TEK: variants seen among roughly 807,000 people sequenced by gnomAD.
TEK encodes TEK receptor tyrosine kinase, also known as angiopoietin-1 receptor.
TEK carries 43 observed loss-of-function variants against 131.8 expected under a neutral mutation model. The ratio of observed to expected loss-of-function variants is 0.33; its 90% CI spans 0.26 to 0.42. The LOEUF (loss-of-function observed/expected upper bound fraction) is 0.42, where lower values mean the gene tolerates loss of function less well. Ranked by LOEUF, TEK falls within the 10% of genes least tolerant of loss-of-function variation. The pLI is 1.00. For missense variants in TEK, 1,162 were observed against 1,384.4 expected, an observed-to-expected ratio of 0.84 and a Z score of 2.55; for synonymous variants, 580 against 491.6, an observed-to-expected ratio of 1.18 and a Z score of -2.38.
chr9:27,195,344 A>G (rs1450544058), intron 11 of TEK, among the ~76,000 whole-genome samples: 1 of 152,086 alleles, frequency 6.6e-6, no homozygotes, highest in Non-Finnish European at 1.5e-5. Context: ...GTGTTTCTCA[A>G]CCTTTAAAAA....
In TEK at chr9:27,217,717, C is replaced by G. The variant is rs368457184; in HGVS notation, c.3021C>G (p.Ile1007Met). 28 of 1,613,726 alleles carry G rather than the reference C, an allele frequency of 1.7e-5. No homozygotes were observed. The highest frequency in any genetic ancestry group is 3.3e-4 in the Middle Eastern group (2 of 6,084). The change falls in exon 19 of 23, where the codon ATC (isoleucine) becomes ATG (methionine). Residue 1007 changes from isoleucine to methionine, a missense_variant. This residue lies in a region of TEK where 107 missense variants were observed against 173.9 expected (regional missense o/e 0.62). Transcript: ENST00000380036. ...GGCTCCCAGTGCGCTGGATGGCCATCGAGTCACTGAATTACAGTGTGTACA... is the reference window on the plus strand; with the variant it reads ...GGCTCCCAGTGCGCTGGATGGCCATGGAGTCACTGAATTACAGTGTGTACA... Reference protein sequence around the residue: ...MGRLPVRWMAIESLNYSVYTT... With the variant: ...MGRLPVRWMAMESLNYSVYTT...
At chr9:27,131,647 A>G in intron 1 of TEK, among the ~76,000 whole-genome samples, 1 of 143,454 alleles carries the variant, frequency 7.0e-6, no homozygotes, top group South Asian at 2.2e-4. Context: ...CCGTCTCTTA[A>G]AAAAAAAAAA....
At chr9:27,183,720 GTGT>G in intron 8 of TEK, 110 bp downstream of exon 8, 1 of 1,441,956 alleles carries the variant, frequency 6.9e-7, no homozygotes, top group South Asian at 1.1e-5. Context: ...CTAGGCTAGT[GTGT>G]TGTTGGCTTT....
At chr9:27,204,783 AGTG>A in intron 13 of TEK, 125 bp from the exon 14 acceptor site, 1 of 1,197,258 alleles carries the variant, frequency 8.4e-7, no homozygotes, top group Non-Finnish European at 1.2e-6. Context: ...GAGGTCATAT[AGTG>A]GTTAGGTGGC....
chr9:27,167,940 A>G (rs557951009), intron 2 of TEK, among the ~76,000 whole-genome samples: 41 of 152,128 alleles, frequency 2.7e-4, no homozygotes, highest in African/African-American at 9.2e-4. Context: ...TATTGTTAGT[A>G]TCAGGACTTA....
intron 15 of TEK, among the ~76,000 whole-genome samples, chr9:27,208,228 G>C (rs1164055781): frequency 6.6e-6 from 1 of 152,160 alleles, no homozygotes; most frequent in Non-Finnish European, 1.5e-5. Context: ...AGTATGAACA[G>C]AGCACTTGAC....
Position 27,190,520 on chromosome 9 carries a change from T to G in TEK, c.1328-9T>G. The G allele has an allele frequency of 1.2e-6, 2 of 1,613,884 alleles. No homozygotes were observed. ...GAAGGACTAATCTGCCTTCTGAAAT[T>G]GTATTTAGTTCTTCCAAAGCCCCTG... is the stretch of plus-strand genomic sequence containing the variant. On this transcript the variant is annotated splice_polypyrimidine_tract_variant and intron_variant, in intron 9 of 22. Coordinates refer to ENST00000380036, the MANE Select transcript of TEK (RefSeq NM_000459.5).
intron 5 of TEK, 23 bp downstream of exon 5, chr9:27,172,770 T>C: frequency 6.2e-7 from 1 of 1,612,764 alleles, no homozygotes; most frequent in Non-Finnish European, 8.5e-7. Flanking sequence ...ACTTGATAAG[T>C]AAGCTGTGGA....
chr9:27,210,369 C>G (rs532365018), intron 16 of TEK: 1 of 163,064 alleles, frequency 6.1e-6, no homozygotes, highest in East Asian at 1.7e-4. Context: ...CTGTACAAAC[C>G]CTACAAATGA....
chr9:27,159,308 G>A (rs529837051), intron 2 of TEK, among the ~76,000 whole-genome samples: 3 of 152,238 alleles, frequency 2.0e-5, no homozygotes, highest in East Asian at 3.9e-4. Flanking sequence ...TAGACATGAG[G>A]CTCTTTGCAA....
intron 6 of TEK, among the ~76,000 whole-genome samples, chr9:27,175,832 G>A (rs909454845): frequency 6.6e-6 from 1 of 152,120 alleles, no homozygotes; most frequent in African/African-American, 2.4e-5. Flanking sequence ...TTTTGATGGG[G>A]TTGTTTGTTT....
chr9:27,121,735 T>C (rs79319971), intron 1 of TEK, among the ~76,000 whole-genome samples: 2,771 of 152,218 alleles, frequency 0.018, 95 homozygotes, highest in African/African-American at 0.064. Flanking sequence ...GCACAGGTGA[T>C]ATGTAGACTC....
chr9:27,226,028 G>A (rs1239211319), intron 21 of TEK, among the ~76,000 whole-genome samples: 1 of 152,192 alleles, frequency 6.6e-6, no homozygotes, highest in Non-Finnish European at 1.5e-5. Context: ...AAACCACAAT[G>A]AGATGCCATT....
chr9:27,186,039 C>T (rs60804047), intron 9 of TEK, among the ~76,000 whole-genome samples: 2,641 of 152,218 alleles, frequency 0.017, 70 homozygotes, highest in African/African-American at 0.061. Flanking sequence ...TTAGCATTGC[C>T]GTTGTGACTT....
chr9:27,222,912 AG>A (rs1826145942), intron 21 of TEK, among the ~76,000 whole-genome samples: 1 of 152,216 alleles, frequency 6.6e-6, no homozygotes, highest in Non-Finnish European at 1.5e-5. Context: ...CTCAAAATAA[AG>A]GGACAGAGGC....
At position 27,190,760 on chromosome 9, in the gene TEK, G is replaced by T. The variant is rs1160748058; in HGVS notation, c.1489+70G>T. 5 of 1,590,776 alleles carry T rather than the reference G, an allele frequency of 3.1e-6. No homozygotes were observed. The East Asian group carries it at 1.1e-4, about 36-fold the overall frequency. ...GGAGAATTATTTTTCTCCAAATCTA[G>T]AAATTCCCTTCTCCCTGCCTCAATC... On this transcript the variant is annotated intron_variant, in intron 10 of 22. Coordinates refer to ENST00000380036, the MANE Select transcript of TEK (RefSeq NM_000459.5).
In TEK at chr9:27,209,237, A is replaced by G. The variant is rs1360950547; in HGVS notation, c.2686+6A>G. ...AGGAGCATGTGAACATCGAGGTAAG[A>G]TGCTCTTTTCCTGTCTTTCCTGCCA... is the stretch of plus-strand genomic sequence containing the variant. On this transcript the variant is annotated splice_donor_region_variant and intron_variant, in intron 16 of 22. Transcript: ENST00000380036. 1 of 1,596,910 alleles carries G rather than the reference A, an allele frequency of 6.3e-7. No homozygotes were observed. Among genetic ancestry groups the G allele is most frequent in the Non-Finnish European group, 8.6e-7 (1 of 1,164,626 alleles).
chr9:27,225,150 A>T (rs1826263128), intron 21 of TEK, among the ~76,000 whole-genome samples: 1 of 152,254 alleles, frequency 6.6e-6, no homozygotes, highest in Non-Finnish European at 1.5e-5. Context: ...CATGGACAGG[A>T]AGAATCAATA....
At chr9:27,138,661 A>G (rs533582701) in intron 1 of TEK, among the ~76,000 whole-genome samples, 1 of 152,346 alleles carries the variant, frequency 6.6e-6, no homozygotes, top group East Asian at 1.9e-4. Flanking sequence ...ACACTTGAAT[A>G]ACACAAGTTT....
Sources: gnomAD v4.1 joint callset for allele counts (sites outside exome capture counted in the v4.1 genomes callset) on GRCh38, gnomAD v4.1.1 for gene constraint, gnomAD v4.1.1 regional missense constraint, MANE v1.5 for transcripts, NCBI Gene and HGNC (gene_info 2026-07-23, HGNC 2026-07-21) for gene names.